Variants in DYTN observed in about 807,000 individuals in gnomAD.
DYTN encodes the protein dystrotelin.
In DYTN, 75 loss-of-function variants were observed where a neutral mutation model predicts 69.6. The ratio of observed to expected loss-of-function variants is 1.08; its 90% CI spans 0.89 to 1.31. The LOEUF (loss-of-function observed/expected upper bound fraction) is 1.31, where lower values mean the gene tolerates loss of function less well. DYTN is among the 50% of genes most tolerant of loss of function. DYTN has a pLI of 0.00. For missense variants in DYTN, 726 were observed against 688.4 expected, an observed-to-expected ratio of 1.05 and a Z score of -0.61; for synonymous variants, 252 against 249.1, an observed-to-expected ratio of 1.01 and a Z score of -0.11.
chr2:206,657,237 C>T (rs1699460581), intron 11 of DYTN, among the ~76,000 whole-genome samples: 1 of 152,110 alleles, frequency 6.6e-6, no homozygotes, highest in Admixed American at 6.5e-5. Flanking sequence ...CCTCAGCTTC[C>T]TGAGTAGATA....
chr2:206,654,344 C>T lies in DYTN; in HGVS notation c.1634-2423G>A, dbSNP rs116036242. Among the ~76,000 whole-genome samples the T allele has an allele frequency of 5.0e-3, 758 of 152,240 alleles. 3 individuals carry two copies. Among genetic ancestry groups the T allele is most frequent in the African/African-American group, 0.017 (721 of 41,542 alleles). ...GACTCCTTATTTTCAGCCTACTCAA[C>T]GTGAAGATGATGAGGATGAAGATCT... On this transcript the variant is annotated intron_variant, in intron 11 of 11. Transcript: ENST00000452335.
chr2:206,688,759 C>T (rs963902264), intron 9 of DYTN, among the ~76,000 whole-genome samples: 4 of 152,006 alleles, frequency 2.6e-5, no homozygotes, highest in Admixed American at 6.5e-5. Context: ...GCATTTTTTC[C>T]TTTTGTTCAG....
chr2:206,690,556 G>T (rs1699853439), intron 9 of DYTN, among the ~76,000 whole-genome samples: 2 of 152,188 alleles, frequency 1.3e-5, no homozygotes, highest in African/African-American at 4.8e-5. Flanking sequence ...TGACAATGTG[G>T]GAGAAAGGGA....
rs569566568 is a variant in DYTN, at chr2:206,669,177, G to A, written c.981-3148C>T. Reference sequence around the variant, plus strand: ...GACTGTTGCTTTTAAAATAATCAGTGACATAATTGACTATCAGTGAACTTG... The same window carrying A: ...GACTGTTGCTTTTAAAATAATCAGTAACATAATTGACTATCAGTGAACTTG... On this transcript the variant is annotated intron_variant, in intron 9 of 11. Transcript: ENST00000452335. 1.1e-4 allele frequency among the ~76,000 whole-genome samples: 16 copies of A among 152,296 alleles called. No individual in the cohort carries two copies. The South Asian group carries it at 3.3e-3, about 32-fold the overall frequency.
In DYTN at chr2:206,689,865, TATTC is replaced by T. The variant is rs532268350; in HGVS notation, c.980+3306_980+3309del. On this transcript the variant is annotated intron_variant, in intron 9 of 11. Transcript: ENST00000452335. ...CTCCATCATGCGCTATACATTTTAT[TATTC>T]ATTCATTCATTCAGTCAGTCAGTCA... 2.7e-4 allele frequency among the ~76,000 whole-genome samples: 41 copies of T among 152,326 alleles called. 1 individual carries two copies. The highest frequency in any genetic ancestry group is 8.3e-4 in the South Asian group (4 of 4,826).
rs368952954 is a variant in DYTN, at chr2:206,682,364, G to A, written c.980+10811C>T. ...TTCATTGACTTTTCAAGGGTAAAAG[G>A]TCAATTGTTATTTGACCTAGCAGCA... is the stretch of plus-strand genomic sequence containing the variant. On this transcript the variant is annotated intron_variant, in intron 9 of 11. Transcript: ENST00000452335. Among the ~76,000 whole-genome samples, 9 of 152,130 alleles carry A rather than the reference G, an allele frequency of 5.9e-5. No homozygotes were observed. The East Asian group carries it at 1.5e-3, about 26-fold the overall frequency.
intron 9 of DYTN, among the ~76,000 whole-genome samples, chr2:206,672,058 C>T (rs974666004): frequency 1.1e-4 from 17 of 152,210 alleles, no homozygotes; most frequent in South Asian, 2.1e-4. Context: ...CACACACTCA[C>T]ACACTTGAAA....
chr2:206,688,615 G>A (rs1202525133), intron 9 of DYTN, among the ~76,000 whole-genome samples: 1 of 152,134 alleles, frequency 6.6e-6, no homozygotes, highest in Non-Finnish European at 1.5e-5. Context: ...CACCAGGAGT[G>A]TTAATTTTAG....
In DYTN at chr2:206,699,877, G is replaced by A; in HGVS notation, c.569C>T (p.Ala190Val). Residue 190 changes from alanine to valine, a missense_variant, in exon 7 of 12, where the codon GCA becomes GTA. Coordinates refer to ENST00000452335, the MANE Select transcript of DYTN (RefSeq NM_001093730.1). ...AGACAGGAATTTTTCTTCTTTGATT[G>A]CTGGGCTCAACACCTGAAAAACAAT... ...RSCFQGVLSP[A>V]IKEEKFLSWV... The A allele has an allele frequency of 6.2e-7, 1 of 1,613,100 alleles. No homozygotes were observed. Among genetic ancestry groups the A allele is most frequent in the Non-Finnish European group, 8.5e-7 (1 of 1,179,562 alleles).
chr2:206,697,395 A>C (rs1485575615), intron 7 of DYTN, among the ~76,000 whole-genome samples: 1 of 152,070 alleles, frequency 6.6e-6, no homozygotes, highest in Non-Finnish European at 1.5e-5. Context: ...TGGTCTTTGC[A>C]CCTTCTCTTT....
At chr2:206,652,837 TG>T (rs1699403375) in intron 11 of DYTN, among the ~76,000 whole-genome samples, 1 of 152,056 alleles carries the variant, frequency 6.6e-6, no homozygotes, top group African/African-American at 2.4e-5. Context: ...GAAAAACAGG[TG>T]GGAGAGAGTG....
At chr2:206,678,413 G>A (rs1029719079) in intron 9 of DYTN, among the ~76,000 whole-genome samples, 1 of 152,182 alleles carries the variant, frequency 6.6e-6, no homozygotes, top group African/African-American at 2.4e-5. Flanking sequence ...CCTTAAAAAT[G>A]TTTGTACTTT....
intron 3 of DYTN, 69 bp from the exon 4 acceptor site, chr2:206,705,942 A>C: frequency 6.5e-7 from 1 of 1,535,392 alleles, no homozygotes. Context: ...ATGGATGATA[A>C]AAACCATAAC....
chr2:206,700,066 T>C, intron 6 of DYTN, 79 bp downstream of exon 6: 1 of 1,587,276 alleles, frequency 6.3e-7, no homozygotes, highest in Non-Finnish European at 8.6e-7. Flanking sequence ...ATAATAGGTC[T>C]GTAATGTAAA....
chr2:206,657,577 C>T (rs1699464364), intron 11 of DYTN, among the ~76,000 whole-genome samples: 2 of 152,054 alleles, frequency 1.3e-5, no homozygotes, highest in Admixed American at 6.5e-5. Flanking sequence ...CCACTATTTT[C>T]ATTTTATAGT....
rs773284747 is a variant in DYTN, at chr2:206,707,505, T to G, written c.95-2A>C. ...TCAGGGAGCTGTCAATCAAGTCCAC[T>G]GTAGGAAGCAAATGAAGAATTGAGC... On this transcript the variant is annotated splice_acceptor_variant, in intron 2 of 11. Transcript: ENST00000452335. LOFTEE classifies it high-confidence loss of function. The G allele has an allele frequency of 4.4e-6, 7 of 1,606,018 alleles. 1 individual carries two copies. In the South Asian group the frequency reaches 6.7e-5, roughly 15 times the overall value.
intron 9 of DYTN, among the ~76,000 whole-genome samples, chr2:206,690,583 A>G (rs528465228): frequency 8.5e-4 from 129 of 152,340 alleles, no homozygotes; most frequent in Non-Finnish European, 1.4e-3. Context: ...AGGTGGTGGC[A>G]GTAGAAATAA....
Position 206,685,986 on chromosome 2 carries a change from G to GAAA in DYTN, c.980+7186_980+7188dup, listed in dbSNP as rs34711985. On this transcript the variant is annotated intron_variant, in intron 9 of 11. Transcript: ENST00000452335. ...AAAAGAACTACAGAAATAGAGTGCG[G>GAAA]AAAAAAAAAAAAAAAGCTACACATT... Among the ~76,000 whole-genome samples the GAAA allele has an allele frequency of 2.2e-3, 297 of 137,934 alleles. 1 individual carries two copies. Among genetic ancestry groups the GAAA allele is most frequent in the East Asian group, 5.7e-3 (27 of 4,712 alleles). The allele number at this position is 137,934 out of a possible 152,430, so 90.5% of individuals were successfully genotyped here.
At chr2:206,652,482 C>T (rs1699399197) in intron 11 of DYTN, among the ~76,000 whole-genome samples, 1 of 152,060 alleles carries the variant, frequency 6.6e-6, no homozygotes, top group African/African-American at 2.4e-5. Flanking sequence ...TTTTGATATG[C>T]ATAATCTTTA....
Sources: allele counts gnomAD v4.1 joint callset (sites outside exome capture counted in the v4.1 genomes callset), GRCh38; gene constraint gnomAD v4.1.1; transcripts MANE v1.5; gene names NCBI Gene and HGNC (gene_info 2026-07-23, HGNC 2026-07-21).